Variants in MTR observed in about 807,000 individuals in gnomAD.
The protein encoded by MTR is methionine synthase.
In MTR, 84 loss-of-function variants were observed where a neutral mutation model predicts 154.8. The observed-to-expected ratio is 0.54, with a 90% CI of 0.45 to 0.65. The LOEUF (loss-of-function observed/expected upper bound fraction) is 0.65. MTR is among the 30% of genes least tolerant of loss of function. MTR has a pLI of 0.00. For missense variants in MTR, 1,275 were observed against 1,570.2 expected, an observed-to-expected ratio of 0.81 and a Z score of 3.18; for synonymous variants, 554 against 553.9, an observed-to-expected ratio of 1.00 and a Z score of 0.00.
Position 236,824,236 on chromosome 1 carries a change from G to T in MTR, c.865+17G>T, listed in dbSNP as rs764752527. The T allele has an allele frequency of 7.1e-6, 11 of 1,559,800 alleles. No individual in the cohort carries two copies. Among genetic ancestry groups the T allele is most frequent in the Non-Finnish European group, 9.7e-6 (11 of 1,130,456 alleles). The stretch of plus-strand genomic sequence containing the variant: ...CCAATGCAGGTGTGTGTTTCAAGGG[G>T]GTCACACATGGGGAGATAAAAATAA... On this transcript the variant is annotated intron_variant, in intron 9 of 32. Transcript: ENST00000366577.
chr1:236,885,275 C>A, intron 26 of MTR, 56 bp downstream of exon 26: 1 of 1,102,428 alleles, frequency 9.1e-7, no homozygotes, highest in Non-Finnish European at 1.4e-6. Flanking sequence ...TTTTATGATC[C>A]TAGTTTTTAA....
At chr1:236,860,069 G>GT (rs1664437025) in intron 19 of MTR, 147 bp downstream of exon 19, 1 of 270,546 alleles carries the variant, frequency 3.7e-6, no homozygotes, top group Non-Finnish European at 6.9e-6. Context: ...TCCCCCAGCT[G>GT]CCCCCCCCCC....
At chr1:236,878,876 A>T (rs181959449) in intron 24 of MTR, among the ~76,000 whole-genome samples, 1 of 152,334 alleles carries the variant, frequency 6.6e-6, no homozygotes, top group East Asian at 1.9e-4. Context: ...TCTGTACCCC[A>T]GCCTTCCCAT....
At position 236,880,815 on chromosome 1, in the gene MTR, C is replaced by T. The variant is rs139973638; in HGVS notation, c.2655C>T (p.Asp885=). 175 of 1,613,968 alleles carry T rather than the reference C, an allele frequency of 1.1e-4. No homozygotes were observed. The highest frequency in any genetic ancestry group is 1.6e-4 in the Middle Eastern group (1 of 6,084). Residue 885 remains aspartate (D), a synonymous_variant, in exon 25 of 33, where the codon GAC becomes GAT. Coordinates refer to ENST00000366577, the MANE Select transcript of MTR (RefSeq NM_000254.3). ...RYSAPVIHVL[D]ASKSVVVCSQ... ...GTGCACCTGTAATCCATGTCCTGGA[C>T]GCGTCCAAGAGTGTGGTGGTGGTAA...
At chr1:236,866,791 A>G (rs1268079254) in intron 22 of MTR, among the ~76,000 whole-genome samples, 1 of 152,246 alleles carries the variant, frequency 6.6e-6, no homozygotes, top group Non-Finnish European at 1.5e-5. Flanking sequence ...ACCAGCCACA[A>G]TATTCCCTTA....
chr1:236,844,911 C>T (rs1313860417), intron 15 of MTR, among the ~76,000 whole-genome samples: 1 of 152,264 alleles, frequency 6.6e-6, no homozygotes, highest in African/African-American at 2.4e-5. Context: ...TTTGAAAAAT[C>T]GTACACACTC....
chr1:236,860,059 TC>T (rs1664433204), intron 19 of MTR, 137 bp downstream of exon 19: 1 of 385,322 alleles, frequency 2.6e-6, no homozygotes, highest in Non-Finnish European at 4.8e-6. Flanking sequence ...CCTCTTGCTG[TC>T]CCCCAGCTGC....
intron 22 of MTR, among the ~76,000 whole-genome samples, chr1:236,868,272 A>C (rs7534947): frequency 0.044 from 6,733 of 152,264 alleles, 473 homozygotes; most frequent in East Asian, 0.26. Flanking sequence ...GATGATCATT[A>C]GCATTTTTTT....
rs180787977 is a variant in MTR, at chr1:236,842,770, T to A, written c.1515+4171T>A. Among the ~76,000 whole-genome samples, 1,039 of 106,828 alleles carry A rather than the reference T, an allele frequency of 9.7e-3. 12 individuals carry two copies. The highest frequency in any genetic ancestry group is 0.012 in the Non-Finnish European group (663 of 54,114). The allele number at this position is 106,828 out of a possible 152,430, so 70.1% of individuals were successfully genotyped here. On this transcript the variant is annotated intron_variant, in intron 15 of 32. Transcript: ENST00000366577. ...TTAGGGACAAAGGGAATAACAAATT[T>A]AAAAAAAAAAGATGTATATATATAT...
intron 22 of MTR, among the ~76,000 whole-genome samples, chr1:236,866,367 C>T (rs996313718): frequency 6.6e-6 from 1 of 152,124 alleles, no homozygotes; most frequent in Non-Finnish European, 1.5e-5. Flanking sequence ...TAGAAGATGG[C>T]AAACTTAATC....
chr1:236,848,131 T>C (rs1313508556), intron 15 of MTR, among the ~76,000 whole-genome samples: 1 of 152,204 alleles, frequency 6.6e-6, no homozygotes, highest in Non-Finnish European at 1.5e-5. Context: ...TTCATCCTTA[T>C]GGAGGTTAGA....
intron 9 of MTR, 104 bp downstream of exon 9, chr1:236,824,323 T>C: frequency 9.9e-7 from 1 of 1,005,330 alleles, no homozygotes; most frequent in South Asian, 1.3e-5. Flanking sequence ...TTGCCGGTGT[T>C]GGTATAGTTG....
intron 8 of MTR, chr1:236,820,307 A>T (rs1661855133): frequency 1.3e-6 from 1 of 753,178 alleles, no homozygotes; most frequent in South Asian, 1.4e-5. Flanking sequence ...GTGACCAAGG[A>T]GGAGTTTCAG....
chr1:236,822,843 A>G (rs756978618), intron 8 of MTR, among the ~76,000 whole-genome samples: 11 of 152,060 alleles, frequency 7.2e-5, no homozygotes, highest in Non-Finnish European at 1.6e-4. Context: ...ATCTTTTCTT[A>G]TTGCATAGGG....
intron 2 of MTR, 78 bp from the exon 3 acceptor site, chr1:236,806,066 G>A: frequency 8.7e-7 from 1 of 1,153,256 alleles, no homozygotes; most frequent in Non-Finnish European, 1.3e-6. Context: ...GATAATGGTG[G>A]TAATGAAAGG....
chr1:236,842,329 C>T (rs1215687209), intron 15 of MTR, among the ~76,000 whole-genome samples: 2 of 152,186 alleles, frequency 1.3e-5, no homozygotes. Flanking sequence ...GTAGGCCTTT[C>T]ATTTGTGAAA....
At chr1:236,887,866 G>T (rs1666107250) in intron 27 of MTR, among the ~76,000 whole-genome samples, 1 of 152,250 alleles carries the variant, frequency 6.6e-6, no homozygotes, top group African/African-American at 2.4e-5. Context: ...GAGTCCATCA[G>T]TGGCTCTGCA....
Position 236,899,021 on chromosome 1 carries a change from T to G in MTR, c.*1377T>G, listed in dbSNP as rs1268615164. ...GAGAAGGTAACATTGGAGTCCTGGT[T>G]TGATTCGAAGGATGAAGACGAAGAA... is the stretch of plus-strand genomic sequence containing the variant. On this transcript the variant is annotated 3_prime_UTR_variant, in exon 33 of 33. Coordinates refer to ENST00000366577, the MANE Select transcript of MTR (RefSeq NM_000254.3). 6.6e-6 allele frequency: 1 copy of G among 152,180 alleles called. No individual in the cohort carries two copies. The highest frequency in any genetic ancestry group is 1.5e-5 in the Non-Finnish European group (1 of 68,026). 9.4% of individuals were successfully genotyped at this position (152,180 alleles called of 1,614,324 possible). A position where few individuals can be genotyped will look rare whatever the true frequency, so the allele number is the denominator to read the frequency against.
chr1:236,855,904 A>G (rs1201299206), intron 18 of MTR, among the ~76,000 whole-genome samples: 1 of 152,216 alleles, frequency 6.6e-6, no homozygotes, highest in Non-Finnish European at 1.5e-5. Flanking sequence ...AACTACATGA[A>G]TAGTGAGATG....
Sources: gnomAD v4.1 joint callset for allele counts (sites outside exome capture counted in the v4.1 genomes callset) on GRCh38, gnomAD v4.1.1 for gene constraint, MANE v1.5 for transcripts, NCBI Gene and HGNC (gene_info 2026-07-23, HGNC 2026-07-21) for gene names.